The following DLG1 variants were observed in gnomAD, a reference collection of about 807,000 sequenced individuals.
The protein encoded by DLG1 is discs large MAGUK scaffold protein 1.
In DLG1, 42 loss-of-function variants were observed where a neutral mutation model predicts 123.4. That is an observed-to-expected ratio of 0.34 (90% CI 0.27 to 0.44). DLG1 has a LOEUF of 0.44. DLG1 is among the 20% of genes least tolerant of loss of function. The probability of loss-of-function intolerance (pLI) is 1.00; values close to 1 mark genes in which losing one functional copy is unlikely to be tolerated. For missense variants in DLG1, 942 were observed against 1,082.6 expected, an observed-to-expected ratio of 0.87 and a Z score of 1.82; for synonymous variants, 317 against 356.2, an observed-to-expected ratio of 0.89 and a Z score of 1.24.
intron 5 of DLG1, among the ~76,000 whole-genome samples, chr3:197,181,673 T>C (rs961378209): frequency 1.3e-5 from 2 of 152,106 alleles, no homozygotes; most frequent in African/African-American, 4.8e-5. Context: ...TACAAAAATG[T>C]ATAAAATGAA....
At chr3:197,141,013 A>C (rs1230392963) in intron 7 of DLG1, among the ~76,000 whole-genome samples, 3 of 152,236 alleles carry the variant, frequency 2.0e-5, no homozygotes, top group Non-Finnish European at 4.4e-5. Context: ...TGCTACAAAA[A>C]GCCTTTAAAA....
At chr3:197,065,859 A>C (rs1739156292) in intron 20 of DLG1, 50 bp from the exon 21 acceptor site, 22 of 1,192,692 alleles carry the variant, frequency 1.8e-5, no homozygotes, top group South Asian at 2.7e-5. Context: ...AACAAATATC[A>C]ATGTATTTTA....
chr3:197,297,823 C>A (rs1399691418), intron 1 of DLG1: 10 of 985,316 alleles, frequency 1.0e-5, no homozygotes, highest in African/African-American at 1.7e-5. Flanking sequence ...GCGGCGTGCG[C>A]TCGGAACTGG....
chr3:197,282,440 G>C (rs1257576733), intron 4 of DLG1, among the ~76,000 whole-genome samples: 2 of 152,140 alleles, frequency 1.3e-5, no homozygotes, highest in Admixed American at 6.5e-5. Flanking sequence ...TTTTTTAATA[G>C]TCTAAATCAA....
chr3:197,221,979 G>A (rs914743304), intron 4 of DLG1, among the ~76,000 whole-genome samples: 3 of 152,124 alleles, frequency 2.0e-5, no homozygotes, highest in African/African-American at 7.2e-5. Context: ...ATCATCTCTA[G>A]AGTACTTACA....
At chr3:197,172,951 T>G (rs1223281460) in intron 5 of DLG1, among the ~76,000 whole-genome samples, 2 of 152,200 alleles carry the variant, frequency 1.3e-5, no homozygotes, top group Non-Finnish European at 2.9e-5. Flanking sequence ...GGCTCATATT[T>G]AAAATCCATG....
chr3:197,230,618 CTTT>C (rs1451936363), intron 4 of DLG1, among the ~76,000 whole-genome samples: 6 of 152,164 alleles, frequency 3.9e-5, no homozygotes, highest in African/African-American at 7.2e-5. Flanking sequence ...TTGTGCTTTT[CTTT>C]TTTAATTCCT....
chr3:197,169,720 C>G (rs567895650), intron 5 of DLG1, among the ~76,000 whole-genome samples: 2 of 152,160 alleles, frequency 1.3e-5, no homozygotes, highest in African/African-American at 4.8e-5. Context: ...GGTAAACTGA[C>G]CTAAGAATAT....
chr3:197,046,972 T>C (rs1313621584), intron 24 of DLG1, among the ~76,000 whole-genome samples: 1 of 151,942 alleles, frequency 6.6e-6, no homozygotes, highest in Non-Finnish European at 1.5e-5. Flanking sequence ...AAAATGTCAG[T>C]CAGGGTCATG....
intron 11 of DLG1, among the ~76,000 whole-genome samples, chr3:197,130,295 T>C (rs1239613148): frequency 6.6e-6 from 1 of 152,178 alleles, no homozygotes; most frequent in Non-Finnish European, 1.5e-5. Flanking sequence ...GAAAATCCTT[T>C]AAATGTAACT....
Position 197,090,925 on chromosome 3 carries a change from A to T in DLG1, c.1648T>A (p.Ser550Thr), listed in dbSNP as rs974765385. The change falls in exon 15 of 25, where the codon TCC (serine) becomes ACC (threonine). Residue 550 changes from serine (S) to threonine (T), a missense_variant. Ser to Thr is a moderately conservative substitution (Grantham distance 58). Coordinates refer to ENST00000667157, the MANE Select transcript of DLG1 (RefSeq NM_001366207.1). ...AAAAAAATTTACCTGACATAGAGGG[A>T]TCGCTTCTGGCTAGTTCGAAGAGAA... ...SGSLRTSQKR[S>T]LYVRALFDYD... The T allele has an allele frequency of 1.2e-6, 2 of 1,602,270 alleles. No individual in the cohort carries two copies. Among genetic ancestry groups the T allele is most frequent in the South Asian group, 2.2e-5 (2 of 89,452 alleles).
At chr3:197,066,419 T>C (rs746383406) in intron 20 of DLG1, among the ~76,000 whole-genome samples, 7 of 151,722 alleles carry the variant, frequency 4.6e-5, no homozygotes, top group Non-Finnish European at 8.8e-5. Context: ...ACTTCCAAGA[T>C]TTTCAAAAAA....
intron 4 of DLG1, among the ~76,000 whole-genome samples, chr3:197,242,929 C>T (rs1749700584): frequency 6.6e-6 from 1 of 152,066 alleles, no homozygotes; most frequent in Non-Finnish European, 1.5e-5. Flanking sequence ...TGCCTGTAGT[C>T]CCAGCTGCTT....
intron 5 of DLG1, among the ~76,000 whole-genome samples, chr3:197,163,564 C>T (rs1799745184): frequency 6.6e-6 from 1 of 151,522 alleles, no homozygotes; most frequent in Non-Finnish European, 1.5e-5. Context: ...GCTCTGTTGC[C>T]CAGGCTGGAG....
intron 4 of DLG1, among the ~76,000 whole-genome samples, chr3:197,270,736 G>A (rs889423872): frequency 6.6e-6 from 1 of 152,008 alleles, no homozygotes; most frequent in Admixed American, 6.6e-5. Context: ...CCACCTTTAC[G>A]CAATCCAACT....
At chr3:197,151,290 G>C (rs1206475560) in intron 5 of DLG1, among the ~76,000 whole-genome samples, 2 of 152,062 alleles carry the variant, frequency 1.3e-5, no homozygotes, top group African/African-American at 4.8e-5. Context: ...AAAGCCTTTT[G>C]GTCCCTCTGC....
At chr3:197,291,300 T>TACACACACACACAC (rs33920543) in intron 3 of DLG1, among the ~76,000 whole-genome samples, 68 of 143,288 alleles carry the variant, frequency 4.7e-4, no homozygotes, top group African/African-American at 1.4e-3. Flanking sequence ...CCTACAAAGT[T>TACACACACACACAC]ACACACACAC....
chr3:197,065,826 C>A lies in DLG1; in HGVS notation c.2099-17G>T, dbSNP rs761077652. 5 of 1,396,644 alleles carry A rather than the reference C, an allele frequency of 3.6e-6. No individual in the cohort carries two copies. The highest frequency in any genetic ancestry group is 5.0e-6 in the Non-Finnish European group (5 of 995,444). The allele number at this position is 1,396,644 out of a possible 1,614,324, so 86.5% of individuals were successfully genotyped here. A position where few individuals can be genotyped will look rare whatever the true frequency, so the allele number is the denominator to read the frequency against. On this transcript the variant is annotated splice_polypyrimidine_tract_variant and intron_variant, in intron 20 of 24. Transcript: ENST00000667157. ...TATAATTAACTATAAAGATAAACTGCATGTTAAAAGGAATAAACATTCAAC... is the reference window on the plus strand; with the variant it reads ...TATAATTAACTATAAAGATAAACTGAATGTTAAAAGGAATAAACATTCAAC...
At chr3:197,113,128 C>T (rs1771049438) in intron 13 of DLG1, among the ~76,000 whole-genome samples, 1 of 152,092 alleles carries the variant, frequency 6.6e-6, no homozygotes, top group African/African-American at 2.4e-5. Flanking sequence ...TATTATAGCA[C>T]CATTTGTTAA....
Sources: allele counts gnomAD v4.1 joint callset (sites outside exome capture counted in the v4.1 genomes callset), GRCh38; gene constraint gnomAD v4.1.1; transcripts MANE v1.5; gene names NCBI Gene and HGNC (gene_info 2026-07-23, HGNC 2026-07-21).